Variants in PTPRD observed in about 807,000 individuals in gnomAD.
The protein encoded by PTPRD is protein tyrosine phosphatase receptor type D, also known as receptor-type tyrosine-protein phosphatase delta.
PTPRD carries 34 observed loss-of-function variants against 214.5 expected under a neutral mutation model. That is an observed-to-expected ratio of 0.16 (90% CI 0.12 to 0.21). The LOEUF (loss-of-function observed/expected upper bound fraction) is 0.21, where lower values mean the gene tolerates loss of function less well. PTPRD is among the 10% of genes least tolerant of loss of function. The pLI, the probability that PTPRD is intolerant of heterozygous loss-of-function variation, is 1.00. For synonymous variants in PTPRD, 1,128 were observed against 845.7 expected (o/e 1.33, Z -5.79); for missense variants, 2,545 against 2,398.7 (o/e 1.06, Z -1.27).
At chr9:8,496,144 AT>A (rs375621981) in intron 26 of PTPRD, among the ~76,000 whole-genome samples, 27 of 151,442 alleles carry the variant, frequency 1.8e-4, no homozygotes, top group African/African-American at 6.6e-4. Context: ...ACTTTAAAAA[AT>A]ATGTATGTTC....
chr9:9,327,030 C>G (rs9407416), intron 9 of PTPRD, among the ~76,000 whole-genome samples: 112,851 of 151,910 alleles, frequency 0.74, 42,177 homozygotes, highest in East Asian at 0.91. Flanking sequence ...AAAGAACTCA[C>G]TCTGTGTTTA....
chr9:9,401,179 A>G (rs1484773922), intron 8 of PTPRD, among the ~76,000 whole-genome samples: 1 of 152,096 alleles, frequency 6.6e-6, no homozygotes, highest in Non-Finnish European at 1.5e-5. Context: ...CATTCTGGGC[A>G]TAGAAAATTA....
At chr9:9,680,510 T>C (rs1324776589) in intron 7 of PTPRD, among the ~76,000 whole-genome samples, 2 of 151,830 alleles carry the variant, frequency 1.3e-5, no homozygotes, top group Admixed American at 1.3e-4. Flanking sequence ...TAATGAGAAA[T>C]AGTTTTATAT....
At chr9:10,383,392 GTTATGACACATT>G in intron 2 of PTPRD, among the ~76,000 whole-genome samples, 1 of 151,798 alleles carries the variant, frequency 6.6e-6, no homozygotes, top group Admixed American at 6.6e-5. Flanking sequence ...TCTCATTTCA[GTTATGACACATT>G]TCAAAGGATG....
intron 4 of PTPRD, among the ~76,000 whole-genome samples, chr9:9,982,332 A>G (rs2095568827): frequency 6.6e-6 from 1 of 152,180 alleles, no homozygotes; most frequent in African/African-American, 2.4e-5. Flanking sequence ...ATTGTCTTTA[A>G]GCTAAAATAG....
At chr9:9,341,608 G>C (rs758606724) in intron 9 of PTPRD, among the ~76,000 whole-genome samples, 10 of 151,964 alleles carry the variant, frequency 6.6e-5, no homozygotes, top group Non-Finnish European at 1.3e-4. Flanking sequence ...TTTGTATCTT[G>C]AGTTTAGATC....
At chr9:9,545,748 TC>T (rs2078650115) in intron 8 of PTPRD, among the ~76,000 whole-genome samples, 2 of 151,798 alleles carry the variant, frequency 1.3e-5, no homozygotes, top group South Asian at 4.1e-4. Flanking sequence ...CTGATGTCAG[TC>T]CTCCAACTTT....
chr9:10,353,549 G>A (rs913957324), intron 2 of PTPRD, among the ~76,000 whole-genome samples: 18 of 151,962 alleles, frequency 1.2e-4, no homozygotes, highest in African/African-American at 4.1e-4. Context: ...AGGATTTGGA[G>A]GTATAGAGAG....
intron 3 of PTPRD, among the ~76,000 whole-genome samples, chr9:10,324,275 C>A (rs1365776142): frequency 6.6e-6 from 1 of 151,970 alleles, no homozygotes; most frequent in African/African-American, 2.4e-5. Flanking sequence ...TTCTCTTAGA[C>A]CAACCTTTAA....
At chr9:10,580,119 T>C (rs2071186693) in intron 2 of PTPRD, among the ~76,000 whole-genome samples, 1 of 152,218 alleles carries the variant, frequency 6.6e-6, no homozygotes, top group Non-Finnish European at 1.5e-5. Flanking sequence ...GTGTGTCTTC[T>C]ATTAAATTCA....
chr9:9,760,226 T>A (rs1304374273), intron 6 of PTPRD, among the ~76,000 whole-genome samples: 1 of 152,196 alleles, frequency 6.6e-6, no homozygotes, highest in East Asian at 1.9e-4. Context: ...ACATCTACTT[T>A]TTTTTTGTTA....
At chr9:9,118,216 A>G (rs187141000) in intron 10 of PTPRD, among the ~76,000 whole-genome samples, 1 of 152,348 alleles carries the variant, frequency 6.6e-6, no homozygotes, top group East Asian at 1.9e-4. Context: ...ATATGCTTTT[A>G]GGTATGGCAA....
chr9:8,347,087 G>A (rs1399909053), intron 39 of PTPRD, among the ~76,000 whole-genome samples: 1 of 149,810 alleles, frequency 6.7e-6, no homozygotes, highest in African/African-American at 2.4e-5. Context: ...ATCCCCTGCG[G>A]ATAGAGGGGG....
intron 3 of PTPRD, among the ~76,000 whole-genome samples, chr9:10,288,939 C>T (rs1255922211): frequency 6.6e-6 from 1 of 151,812 alleles, no homozygotes; most frequent in African/African-American, 2.4e-5. Flanking sequence ...ATATAATCGG[C>T]ATCAATAAGG....
At chr9:10,224,418 T>C (rs768056542) in intron 3 of PTPRD, among the ~76,000 whole-genome samples, 16 of 152,042 alleles carry the variant, frequency 1.1e-4, no homozygotes, top group Non-Finnish European at 2.2e-4. Context: ...TGCAGGTTAG[T>C]TACATATGCA....
intron 2 of PTPRD, among the ~76,000 whole-genome samples, chr9:10,378,355 G>A (rs2097766771): frequency 6.6e-6 from 1 of 151,854 alleles, no homozygotes; most frequent in South Asian, 2.1e-4. Context: ...AGGTTATCTG[G>A]GCTTGTAGGG....
intron 11 of PTPRD, among the ~76,000 whole-genome samples, chr9:8,950,179 C>T (rs9696786): frequency 0.3 from 45,105 of 151,960 alleles, 7,728 homozygotes; most frequent in East Asian, 0.75. Context: ...TTGTCTGCCA[C>T]TCCTCTCACT....
intron 7 of PTPRD, among the ~76,000 whole-genome samples, chr9:9,625,471 C>T (rs1376851161): frequency 4.6e-5 from 7 of 152,132 alleles, no homozygotes; most frequent in Admixed American, 2.6e-4. Flanking sequence ...TAGGCAGCTC[C>T]AGCATCCTGA....
rs1234399382 is a variant in PTPRD at position 9,261,975 on chromosome 9, A to T, written c.-202-78612T>A. 2.6e-5 allele frequency among the ~76,000 whole-genome samples: 4 copies of T among 151,790 alleles called. No individual in the cohort carries two copies. The South Asian group carries it at 8.3e-4, about 31-fold the overall frequency. On this transcript the variant is annotated intron_variant, in intron 9 of 45. Transcript: ENST00000381196. The stretch of plus-strand genomic sequence containing the variant: ...TAAAGGAAAGGAAATCATATACTAA[A>T]GGAGGAGGATAACTTTAAACAGTAT...
Sources: allele counts gnomAD v4.1 joint callset (sites outside exome capture counted in the v4.1 genomes callset), GRCh38; gene constraint gnomAD v4.1.1; transcripts MANE v1.5; gene names NCBI Gene and HGNC (gene_info 2026-07-23, HGNC 2026-07-21).